COL24A1: variants seen among roughly 807,000 people sequenced by gnomAD.
COL24A1 encodes collagen type XXIV alpha 1 chain, also known as collagen alpha-1(XXIV) chain.
In COL24A1, 224 loss-of-function variants were observed where a neutral mutation model predicts 253.9. The ratio of observed to expected loss-of-function variants is 0.88; its 90% CI spans 0.79 to 0.99. The LOEUF is 0.99. Among genes scored for constraint, COL24A1 ranks in the 50% least tolerant of loss-of-function variants. The pLI, the probability that COL24A1 is intolerant of heterozygous loss-of-function variation, is 0.00. For synonymous variants in COL24A1, 685 were observed against 673.7 expected, an observed-to-expected ratio of 1.02 and a Z score of -0.26; for missense variants, 2,131 against 2,068.5, an observed-to-expected ratio of 1.03 and a Z score of -0.59.
At chr1:86,092,367 T>C in intron 5 of COL24A1, 47 bp from the exon 6 acceptor site, 1 of 1,338,086 alleles carries the variant, frequency 7.5e-7, no homozygotes, top group Non-Finnish European at 1.1e-6. Context: ...AAGTTGCATA[T>C]AATGTGTCAT....
chr1:85,818,513 T>TAAGTG (rs1673276428), intron 45 of COL24A1, among the ~76,000 whole-genome samples: 2 of 152,204 alleles, frequency 1.3e-5, no homozygotes, highest in Non-Finnish European at 2.9e-5. Context: ...ACAAGGCACT[T>TAAGTG]ACAGTGTGGT....
At chr1:86,087,403 A>C (rs900855785) in intron 7 of COL24A1, among the ~76,000 whole-genome samples, 1 of 152,212 alleles carries the variant, frequency 6.6e-6, no homozygotes, top group African/African-American at 2.4e-5. Flanking sequence ...TACAACTTCA[A>C]AGTTAAAATG....
In COL24A1 at chr1:86,059,142, T is replaced by C. The variant is rs1254562822; in HGVS notation, c.1785A>G (p.Ser595=). 6.2e-7 allele frequency: 1 copy of C among 1,611,428 alleles called. No homozygotes were observed. Among genetic ancestry groups the C allele is most frequent in the Admixed American group, 1.7e-5 (1 of 59,710 alleles). The part of the protein sequence containing the change: ...GIPGFAGNIG[S]PGYPGRQGLA... ...GCACCTGCCTGCCAGGGTAACCGGG[T>C]GAACCAATATTACCAGCAAATCCTG... is the stretch of plus-strand genomic sequence containing the variant. The change falls in exon 9 of 60, where the codon TCA becomes TCG. Residue 595 remains serine, a synonymous_variant. Transcript: ENST00000370571.
intron 8 of COL24A1, 51 bp downstream of exon 8, chr1:86,063,664 A>C: frequency 1.5e-6 from 2 of 1,342,802 alleles, no homozygotes; most frequent in Non-Finnish European, 2.0e-6. Flanking sequence ...GGAGTTCTCT[A>C]ACATGTGTCT....
At chr1:85,846,358 C>G (rs1677140328) in intron 39 of COL24A1, among the ~76,000 whole-genome samples, 1 of 151,568 alleles carries the variant, frequency 6.6e-6, no homozygotes, top group Non-Finnish European at 1.5e-5. Flanking sequence ...ATAAAATAAA[C>G]ACAGAAACTG....
Position 86,017,958 on chromosome 1 carries a change from T to C in COL24A1, c.2257-754A>G, listed in dbSNP as rs1380773227. On this transcript the variant is annotated intron_variant, in intron 18 of 59. Transcript: ENST00000370571. ...CTCTGAAGCTAGTTTCTGACATTCA[T>C]GATAAAGATGTGAAATCAGGGTTAA... 4.6e-5 allele frequency among the ~76,000 whole-genome samples: 7 copies of C among 152,056 alleles called. No homozygotes were observed. In the South Asian group the frequency reaches 8.3e-4, roughly 18 times the overall value.
intron 28 of COL24A1, among the ~76,000 whole-genome samples, chr1:85,900,821 C>T (rs1346376715): frequency 1.3e-5 from 2 of 152,088 alleles, no homozygotes; most frequent in African/African-American, 2.4e-5. Context: ...GAATGGATGG[C>T]CTCTTCAATA....
intron 35 of COL24A1, among the ~76,000 whole-genome samples, chr1:85,872,526 T>C (rs1404191405): frequency 1.3e-5 from 2 of 151,966 alleles, no homozygotes; most frequent in African/African-American, 4.8e-5. Flanking sequence ...CCCTCAGAAA[T>C]AACACCACAT....
intron 2 of COL24A1, among the ~76,000 whole-genome samples, chr1:86,144,430 G>A (rs1244916781): frequency 6.6e-6 from 1 of 152,054 alleles, no homozygotes; most frequent in African/African-American, 2.4e-5. Flanking sequence ...GCTAGAGGAC[G>A]TCTAAGGGAA....
intron 2 of COL24A1, among the ~76,000 whole-genome samples, chr1:86,137,197 A>G (rs1557782746): frequency 6.6e-6 from 1 of 152,194 alleles, no homozygotes; most frequent in Admixed American, 6.6e-5. Context: ...TATATAAAAA[A>G]TCAATCCAGT....
At position 85,849,351 on chromosome 1, in the gene COL24A1, A is replaced by C; in HGVS notation, c.3354+2T>G. On this transcript the variant is annotated splice_donor_variant, in intron 38 of 59. Transcript: ENST00000370571. LOFTEE classifies it high-confidence loss of function. ...CCTGCATAAGAAGATGTAAAAAATT[A>C]CCTTTTTTCCTGGACGACCTCTTTG... 1 of 1,611,974 alleles carries C rather than the reference A, an allele frequency of 6.2e-7. No individual in the cohort carries two copies. Among genetic ancestry groups the C allele is most frequent in the Non-Finnish European group, 8.5e-7 (1 of 1,178,420 alleles).
At chr1:85,734,149 T>C (rs539279105) in intron 59 of COL24A1, among the ~76,000 whole-genome samples, 1 of 151,678 alleles carries the variant, frequency 6.6e-6, no homozygotes, top group Admixed American at 6.6e-5. Context: ...GTGATCTGAC[T>C]GCCTCGGCCT....
chr1:85,795,738 T>C (rs1326512230), intron 47 of COL24A1, among the ~76,000 whole-genome samples: 1 of 152,130 alleles, frequency 6.6e-6, no homozygotes, highest in Non-Finnish European at 1.5e-5. Context: ...TAAGAAAAAT[T>C]AATTTAAAAT....
intron 53 of COL24A1, among the ~76,000 whole-genome samples, chr1:85,763,174 TG>T (rs1667003316): frequency 6.6e-6 from 1 of 152,132 alleles, no homozygotes; most frequent in Non-Finnish European, 1.5e-5. Flanking sequence ...TCCAGTACTT[TG>T]GGAGGTCAAG....
At chr1:85,926,334 C>A (rs1427117260) in intron 24 of COL24A1, among the ~76,000 whole-genome samples, 1 of 152,174 alleles carries the variant, frequency 6.6e-6, no homozygotes, top group Non-Finnish European at 1.5e-5. Flanking sequence ...GGTATATACC[C>A]AAAGGATTGT....
chr1:85,799,091 T>G (rs1671122791), intron 47 of COL24A1, among the ~76,000 whole-genome samples: 1 of 152,000 alleles, frequency 6.6e-6, no homozygotes, highest in South Asian at 2.1e-4. Flanking sequence ...CAGAAGGAAA[T>G]TCACACAGGC....
At chr1:85,780,488 T>G (rs546156344) in intron 52 of COL24A1, among the ~76,000 whole-genome samples, 1 of 152,122 alleles carries the variant, frequency 6.6e-6, no homozygotes, top group Non-Finnish European at 1.5e-5. Context: ...TAGCCAAATT[T>G]CTTAAAGCAC....
At chr1:85,933,366 T>TG (rs1258794832) in intron 24 of COL24A1, among the ~76,000 whole-genome samples, 1 of 151,620 alleles carries the variant, frequency 6.6e-6, no homozygotes, top group Non-Finnish European at 1.5e-5. Context: ...ACAGAATAAT[T>TG]TTTTTTAACA....
intron 7 of COL24A1, among the ~76,000 whole-genome samples, chr1:86,077,826 C>T (rs928170005): frequency 7.1e-6 from 1 of 141,330 alleles, no homozygotes; most frequent in African/African-American, 2.7e-5. Context: ...CATCACACAC[C>T]AGGGCCTGTG....
Sources: gnomAD v4.1 joint callset for allele counts (sites outside exome capture counted in the v4.1 genomes callset) on GRCh38, gnomAD v4.1.1 for gene constraint, MANE v1.5 for transcripts, NCBI Gene and HGNC (gene_info 2026-07-23, HGNC 2026-07-21) for gene names.